Variants in OR10J1 observed in about 807,000 individuals in gnomAD.
The protein encoded by OR10J1 is olfactory receptor family 10 subfamily J member 1, also known as olfactory receptor 10J1.
For missense variants in OR10J1, 474 were observed against 376.6 expected (o/e 1.26, Z -2.14); for synonymous variants, 202 against 143.8 (o/e 1.40, Z -2.89).
At chr1:159,411,050 T>G in the OR10J1 span, among the ~76,000 whole-genome samples, 1 of 152,206 alleles carries the variant, frequency 6.6e-6, no homozygotes, top group African/African-American at 2.4e-5. Context: ...TTGATTGCAC[T>G]GTGGTCTGAG....
the OR10J1 span, among the ~76,000 whole-genome samples, chr1:159,409,770 T>C: frequency 6.6e-6 from 1 of 152,144 alleles, no homozygotes; most frequent in Non-Finnish European, 1.5e-5. Context: ...ATCCCTGTCT[T>C]GTGCCAGTTT....
the OR10J1 span, among the ~76,000 whole-genome samples, chr1:159,428,384 T>G: frequency 6.6e-5 from 10 of 152,184 alleles, no homozygotes; most frequent in Non-Finnish European, 1.5e-5. Flanking sequence ...TTTTAAAAAG[T>G]CAGTCACTTT....
the OR10J1 span, among the ~76,000 whole-genome samples, chr1:159,412,759 T>C: frequency 6.6e-6 from 1 of 151,716 alleles, no homozygotes; most frequent in South Asian, 2.1e-4. Flanking sequence ...GGCGTTACCA[T>C]TCAGGACATA....
In OR10J1 at chr1:159,440,165, C is replaced by T. The variant is rs1359690320; in HGVS notation, c.374C>T (p.Ala125Val). 2 of 1,614,136 alleles carry T rather than the reference C, an allele frequency of 1.2e-6. No individual in the cohort carries two copies. The highest frequency in any genetic ancestry group is 1.7e-6 in the Non-Finnish European group (2 of 1,180,012). ...GCAATGGGATATGACCGCTATGTGG[C>T]CATCTGCAACCCCCTGAGATACATG... ...LTAMGYDRYVAICNPLRYMVI... is the reference protein window; with the variant it reads ...LTAMGYDRYVVICNPLRYMVI... The change falls in exon 1 of 1, where the codon GCC becomes GTC. Residue 125 changes from alanine to valine, a missense_variant. Coordinates refer to ENST00000423932, the MANE Select transcript of OR10J1 (RefSeq NM_012351.3).
chr1:159,414,282 G>A, the OR10J1 span, among the ~76,000 whole-genome samples: 2 of 151,898 alleles, frequency 1.3e-5, no homozygotes, highest in East Asian at 1.9e-4. Flanking sequence ...CGTGTCTACC[G>A]TTCTGTTCTC....
chr1:159,398,064 A>G, the OR10J1 span, among the ~76,000 whole-genome samples: 1 of 152,228 alleles, frequency 6.6e-6, no homozygotes, highest in South Asian at 2.1e-4. Flanking sequence ...GAGACTCTGT[A>G]TGTTTGGGAG....
chr1:159,414,251 C>T, the OR10J1 span, among the ~76,000 whole-genome samples: 1 of 152,176 alleles, frequency 6.6e-6, no homozygotes, highest in Admixed American at 6.6e-5. Context: ...CCCTCCTACC[C>T]ACACACCATT....
the OR10J1 span, among the ~76,000 whole-genome samples, chr1:159,407,147 G>A: frequency 6.6e-6 from 1 of 152,096 alleles, no homozygotes; most frequent in Admixed American, 6.6e-5. Flanking sequence ...AACTTTGATA[G>A]AGTGCCATGT....
chr1:159,402,269 C>A, the OR10J1 span, among the ~76,000 whole-genome samples: 3 of 151,868 alleles, frequency 2.0e-5, no homozygotes, highest in Non-Finnish European at 2.9e-5. Flanking sequence ...AGCAATCAGA[C>A]AAGAGAAAGA....
the OR10J1 span, chr1:159,406,216 C>T: frequency 4.2e-5 from 22 of 525,336 alleles, no homozygotes; most frequent in East Asian, 1.6e-4. Context: ...AATGTCCAGG[C>T]GAGTAATGGT....
At chr1:159,399,438 G>A in the OR10J1 span, among the ~76,000 whole-genome samples, 1 of 151,916 alleles carries the variant, frequency 6.6e-6, no homozygotes, top group Non-Finnish European at 1.5e-5. Context: ...GGGCATCGTG[G>A]TGGGCACCTG....
At chr1:159,438,684 G>A (rs554263532), upstream of OR10J1, among the ~76,000 whole-genome samples, 3 of 152,248 alleles carry the variant, frequency 2.0e-5, no homozygotes, top group Admixed American at 1.3e-4. Flanking sequence ...GAAAGTCTCC[G>A]TGCGTACTAA....
At chr1:159,412,553 C>A in the OR10J1 span, among the ~76,000 whole-genome samples, 1 of 148,226 alleles carries the variant, frequency 6.7e-6, no homozygotes, top group Non-Finnish European at 1.5e-5. Context: ...ACTATCTGAT[C>A]TTTGACAAAC....
In OR10J1 at chr1:159,440,497, G is replaced by T; in HGVS notation, c.706G>T (p.Ala236Ser). The T allele has an allele frequency of 6.2e-7, 1 of 1,614,088 alleles. No homozygotes were observed. The highest frequency in any genetic ancestry group is 8.5e-7 in the Non-Finnish European group (1 of 1,180,016). Residue 236 changes from alanine to serine, a missense_variant, in exon 1 of 1, where the codon GCT becomes TCT. By Grantham distance (99) the Ala-to-Ser change is moderately conservative (BLOSUM62 1). Coordinates refer to ENST00000423932, the MANE Select transcript of OR10J1 (RefSeq NM_012351.3). The part of the protein sequence containing the change: ...KIASVEGRKK[A>S]FATCASHLTV... ...TGCTTCAGTTGAGGGCCGGAAGAAG[G>T]CTTTTGCCACCTGTGCATCCCACCT...
chr1:159,430,668 T>TGTGCGCGCGC, the OR10J1 span, among the ~76,000 whole-genome samples: 1 of 69,614 alleles, frequency 1.4e-5, no homozygotes, highest in South Asian at 6.2e-4. Flanking sequence ...TGTGTGTGTG[T>TGTGCGCGCGC]GCGCGCGCGC....
chr1:159,419,394 T>A, the OR10J1 span, among the ~76,000 whole-genome samples: 5 of 152,296 alleles, frequency 3.3e-5, no homozygotes, highest in South Asian at 6.2e-4. Flanking sequence ...ATAAGTCTCA[T>A]GAGATCTGAT....
chr1:159,421,093 T>A, the OR10J1 span, among the ~76,000 whole-genome samples: 1 of 152,156 alleles, frequency 6.6e-6, no homozygotes, highest in Non-Finnish European at 1.5e-5. Flanking sequence ...TAATTCTTTT[T>A]TATTCTTTTA....
At chr1:159,439,518 G>A (rs932840752), upstream of OR10J1, among the ~76,000 whole-genome samples, 1 of 152,156 alleles carries the variant, frequency 6.6e-6, no homozygotes, top group Non-Finnish European at 1.5e-5. Context: ...AGGAAGAGTA[G>A]ATATGAAGTA....
the OR10J1 span, among the ~76,000 whole-genome samples, chr1:159,422,902 G>C: frequency 2.0e-5 from 3 of 152,142 alleles, no homozygotes; most frequent in African/African-American, 7.2e-5. Context: ...CAGCTGAACA[G>C]GCTACATTGC....
Sources: allele counts gnomAD v4.1 joint callset (sites outside exome capture counted in the v4.1 genomes callset), GRCh38; gene constraint gnomAD v4.1.1; transcripts MANE v1.5; gene names NCBI Gene and HGNC (gene_info 2026-07-23, HGNC 2026-07-21).